The following RGMA variants were observed in gnomAD, a reference collection of about 807,000 sequenced individuals.
RGMA encodes the protein repulsive guidance molecule A.
In RGMA, 10 loss-of-function variants were observed where a neutral mutation model predicts 23.2. The observed-to-expected ratio is 0.43, with a 90% CI of 0.27 to 0.73. The LOEUF (loss-of-function observed/expected upper bound fraction) is 0.73. RGMA is among the 30% of genes least tolerant of loss of function. The pLI is 0.20. For missense variants in RGMA, 547 were observed against 630.5 expected (o/e 0.87, Z 1.42); for synonymous variants, 308 against 279.3 (o/e 1.10, Z -1.03).
Position 93,042,663 on chromosome 15 carries a change from G to T in RGMA, c.*2335C>A, listed in dbSNP as rs2054739447. On this transcript the variant is annotated 3_prime_UTR_variant, in exon 4 of 4. Coordinates refer to ENST00000329082, the MANE Select transcript of RGMA (RefSeq NM_020211.3). Reference sequence around the variant, plus strand: ...AGGTTGTCCTTCCCGTTGCTAAGGAGCCCTAGGCAAGTCAGTTAATCTCAG... The same window carrying T: ...AGGTTGTCCTTCCCGTTGCTAAGGATCCCTAGGCAAGTCAGTTAATCTCAG... 1 of 152,300 alleles carries T rather than the reference G, an allele frequency of 6.6e-6. No homozygotes were observed. The highest frequency in any genetic ancestry group is 1.5e-5 in the Non-Finnish European group (1 of 68,086). The allele number at this position is 152,300 out of a possible 1,614,324, so 9.4% of individuals were successfully genotyped here.
rs1354055471 is a variant in RGMA, at chr15:93,043,505, C to CA, written c.*1492dup. The CA allele has an allele frequency of 6.6e-6, 1 of 152,530 alleles. No individual in the cohort carries two copies. Among genetic ancestry groups the CA allele is most frequent in the Non-Finnish European group, 1.5e-5 (1 of 68,048 alleles). The allele number at this position is 152,530 out of a possible 1,614,324, so 9.4% of individuals were successfully genotyped here. ...GGTGACACTCCACACAGGTCGCAGA[C>CA]ACGTGGACGCAGTGAGGGGTCCCCA... On this transcript the variant is annotated 3_prime_UTR_variant, in exon 4 of 4. Transcript: ENST00000329082.
At chr15:93,061,179 T>TA (rs1894948787) in intron 2 of RGMA, among the ~76,000 whole-genome samples, 1 of 150,570 alleles carries the variant, frequency 6.6e-6, no homozygotes, top group Admixed American at 6.6e-5. Flanking sequence ...TTTTTTGACA[T>TA]AGAGTCACTC....
chr15:93,085,497 G>GAAAA (rs1483044710), intron 1 of RGMA, among the ~76,000 whole-genome samples: 6 of 152,166 alleles, frequency 3.9e-5, no homozygotes, highest in Non-Finnish European at 8.8e-5. Context: ...ACAAGCAACT[G>GAAAA]AAAAATGAGA....
At position 93,045,185 on chromosome 15, in the gene RGMA, T is replaced by C. The variant is rs757122259; in HGVS notation, c.1166A>G (p.Asn389Ser). 26 of 1,609,430 alleles carry C rather than the reference T, an allele frequency of 1.6e-5. No homozygotes were observed. Among genetic ancestry groups the C allele is most frequent in the Non-Finnish European group, 2.2e-5 (26 of 1,178,028 alleles). ...VFDLLTTGDVNFTLAAYYALE... is the reference protein window; with the variant it reads ...VFDLLTTGDVSFTLAAYYALE... Reference sequence around the variant, plus strand: ...CGCGTAGTAGGCGGCCAGTGTGAAGTTCACGTCGCCCGTGGTGAGGAGGTC... The same window carrying C: ...CGCGTAGTAGGCGGCCAGTGTGAAGCTCACGTCGCCCGTGGTGAGGAGGTC... Residue 389 changes from asparagine to serine, a missense_variant, in exon 4 of 4, where the codon AAC becomes AGC. Asn to Ser is a conservative substitution (Grantham distance 46). This residue lies in a region of RGMA where 205 missense variants were observed against 204.1 expected (regional missense o/e 1.00). Coordinates refer to ENST00000329082, the MANE Select transcript of RGMA (RefSeq NM_020211.3). This position sits in a 1 kb window ranked among gnomAD's most constrained non-coding sequence, Gnocchi z 6.9.
At chr15:93,070,362 C>G (rs1013173630) in intron 2 of RGMA, among the ~76,000 whole-genome samples, 3 of 152,208 alleles carry the variant, frequency 2.0e-5, no homozygotes, top group Non-Finnish European at 4.4e-5. Flanking sequence ...CGCAGTTGCT[C>G]GGCCAGTTTC....
intron 1 of RGMA, among the ~76,000 whole-genome samples, chr15:93,085,908 T>C (rs906227172): frequency 4.6e-5 from 7 of 152,254 alleles, no homozygotes; most frequent in Admixed American, 4.6e-4. Flanking sequence ...AACTGACTTC[T>C]GCCTGGCCTT....
chr15:93,072,442 G>A (rs926329579), intron 2 of RGMA, among the ~76,000 whole-genome samples: 3 of 152,230 alleles, frequency 2.0e-5, no homozygotes, highest in Non-Finnish European at 4.4e-5. Flanking sequence ...AACGAGACGA[G>A]GTCTCCGGGG....
intron 2 of RGMA, among the ~76,000 whole-genome samples, chr15:93,064,377 C>T (rs1193936097): frequency 6.6e-6 from 1 of 152,236 alleles, no homozygotes; most frequent in African/African-American, 2.4e-5. Flanking sequence ...TTGAGGCATA[C>T]CTCCTTCTCC....
chr15:93,081,316 A>G (rs1052938806), intron 1 of RGMA, among the ~76,000 whole-genome samples: 1 of 152,162 alleles, frequency 6.6e-6, no homozygotes, highest in Non-Finnish European at 1.5e-5. Flanking sequence ...CCTCATCTGT[A>G]ACACTTCTGC....
chr15:93,070,176 T>C (rs934427194), intron 2 of RGMA, among the ~76,000 whole-genome samples: 1 of 152,222 alleles, frequency 6.6e-6, no homozygotes, highest in Non-Finnish European at 1.5e-5. Flanking sequence ...CCCAGTAGGT[T>C]GGCCATCCAC....
At position 93,037,880 on chromosome 15, in the gene RGMA, G is replaced by A. The variant is rs972637106; in HGVS notation, c.*7118C>T. The A allele has an allele frequency of 2.6e-5, 4 of 152,204 alleles. No individual in the cohort carries two copies. The highest frequency in any genetic ancestry group is 1.9e-4 in the East Asian group (1 of 5,194). 9.4% of individuals were successfully genotyped at this position (152,204 alleles called of 1,614,324 possible). ...GATGCTGGGCGACATGAATGTTTTC[G>A]CCTTGGGATCTGGGCTGCCTGGGAT... On this transcript the variant is annotated 3_prime_UTR_variant, in exon 4 of 4. Coordinates refer to ENST00000329082, the MANE Select transcript of RGMA (RefSeq NM_020211.3). This position sits in a 1 kb window ranked among gnomAD's most constrained non-coding sequence, Gnocchi z 4.3.
chr15:93,071,065 G>T (rs1895306036), intron 2 of RGMA, among the ~76,000 whole-genome samples: 1 of 152,190 alleles, frequency 6.6e-6, no homozygotes, highest in African/African-American at 2.4e-5. Context: ...AGAGCGGGAA[G>T]GTGTTGTTTT....
At chr15:93,087,476 A>AAAC (rs1555451823) in intron 1 of RGMA, among the ~76,000 whole-genome samples, 4 of 150,814 alleles carry the variant, frequency 2.7e-5, no homozygotes, top group Non-Finnish European at 5.9e-5. Flanking sequence ...AAAAAAAAAA[A>AAAC]AAAAAAAACC....
rs1282591699 is a variant in RGMA at position 93,039,355 on chromosome 15, C to G, written c.*5643G>C. The G allele has an allele frequency of 6.6e-6, 1 of 152,142 alleles. No homozygotes were observed. The highest frequency in any genetic ancestry group is 2.4e-5 in the African/African-American group (1 of 41,418). The allele number at this position is 152,142 out of a possible 1,614,324, so 9.4% of individuals were successfully genotyped here. Reference sequence around the variant, plus strand: ...GCTCTCTCCCCAAGCCCTGTCAGCCCCACCTTCTTATTAGACCCCAAAGGC... The same window carrying G: ...GCTCTCTCCCCAAGCCCTGTCAGCCGCACCTTCTTATTAGACCCCAAAGGC... On this transcript the variant is annotated 3_prime_UTR_variant, in exon 4 of 4. Transcript: ENST00000329082.
In RGMA at chr15:93,052,020, G is replaced by C; in HGVS notation, c.618C>G (p.Pro206=). Reference sequence around the variant, plus strand: ...TGCTGGTGGCAGTGGCCGCTGAGCCGGGCAGCACAGGCGTGTTGGTGACCT... The same window carrying C: ...TGCTGGTGGCAGTGGCCGCTGAGCCCGGCAGCACAGGCGTGTTGGTGACCT... ...NVQVTNTPVL[P]GSAATATSKL... is the part of the protein sequence containing the mutation. Residue 206 remains proline (P), a synonymous_variant, in exon 3 of 4, where the codon CCC becomes CCG. Transcript: ENST00000329082. 6.2e-7 allele frequency: 1 copy of C among 1,608,548 alleles called. No individual in the cohort carries two copies. Among genetic ancestry groups the C allele is most frequent in the African/African-American group, 1.3e-5 (1 of 74,998 alleles).
chr15:93,081,080 G>C (rs1223152336), intron 1 of RGMA, among the ~76,000 whole-genome samples: 1 of 152,176 alleles, frequency 6.6e-6, no homozygotes, highest in African/African-American at 2.4e-5. Flanking sequence ...CTGAATATGG[G>C]GAAAGACAGA....
At chr15:93,077,794 G>A (rs1209701741) in intron 1 of RGMA, among the ~76,000 whole-genome samples, 3 of 152,194 alleles carry the variant, frequency 2.0e-5, no homozygotes, top group African/African-American at 2.4e-5. Flanking sequence ...TGCAACCTCC[G>A]CCTCCTGGGT....
chr15:93,064,728 C>A (rs1895084443), intron 2 of RGMA, among the ~76,000 whole-genome samples: 1 of 152,220 alleles, frequency 6.6e-6, no homozygotes, highest in Non-Finnish European at 1.5e-5. Context: ...CAAAACCCAA[C>A]AGACATAAAT....
rs765133456 is a variant in RGMA, at chr15:93,073,010, G to A, written c.36C>T (p.Gly12=). 22 of 1,609,836 alleles carry A rather than the reference G, an allele frequency of 1.4e-5. No homozygotes were observed. Among genetic ancestry groups the A allele is most frequent in the Middle Eastern group, 1.6e-4 (1 of 6,074 alleles). Residue 12 remains glycine (G), a synonymous_variant, in exon 2 of 4, where the codon GGC becomes GGT. Coordinates refer to ENST00000329082, the MANE Select transcript of RGMA (RefSeq NM_020211.3). ...QPPRERLVVT[G]RAGWMGMGRG... ...TCCCCATACCCATCCATCCAGCTCG[G>A]CCTGTTACCACTAGCCTCTCCCTGG...
Sources: allele counts gnomAD v4.1 joint callset (sites outside exome capture counted in the v4.1 genomes callset), GRCh38; gene constraint gnomAD v4.1.1; regional missense constraint gnomAD v4.1.1; non-coding constraint Gnocchi (gnomAD v3.1); transcripts MANE v1.5; gene names NCBI Gene and HGNC (gene_info 2026-07-23, HGNC 2026-07-21).